DOK5: variants seen among roughly 807,000 people sequenced by gnomAD.
The protein encoded by DOK5 is docking protein 5.
DOK5 carries 27 observed loss-of-function variants against 43.3 expected under a neutral mutation model. The ratio of observed to expected loss-of-function variants is 0.62; its 90% confidence interval spans 0.46 to 0.86. The LOEUF is 0.86. DOK5 is among the 40% of genes least tolerant of loss of function. DOK5 has a pLI of 0.00. For missense variants in DOK5, 373 were observed against 392.9 expected (o/e 0.95, Z 0.43); for synonymous variants, 146 against 140.1 (o/e 1.04, Z -0.30).
At chr20:54,541,506 G>A (rs902408833) in intron 1 of DOK5, among the ~76,000 whole-genome samples, 4 of 152,080 alleles carry the variant, frequency 2.6e-5, no homozygotes, top group African/African-American at 4.8e-5. Flanking sequence ...TGCAATCTCC[G>A]TTCACTGCAA....
intron 7 of DOK5, among the ~76,000 whole-genome samples, chr20:54,646,061 G>A (rs1327513914): frequency 6.6e-6 from 1 of 151,464 alleles, no homozygotes; most frequent in African/African-American, 2.4e-5. Flanking sequence ...GTTAGATTGG[G>A]TTGTCACAAT....
At chr20:54,645,922 C>A (rs1292306092) in intron 7 of DOK5, among the ~76,000 whole-genome samples, 1 of 72,192 alleles carries the variant, frequency 1.4e-5, no homozygotes, top group African/African-American at 6.1e-5. Context: ...ATAGCAGATG[C>A]TGCAAAAAAA....
At chr20:54,536,841 T>C (rs773900410) in intron 1 of DOK5, among the ~76,000 whole-genome samples, 1 of 152,224 alleles carries the variant, frequency 6.6e-6, no homozygotes, top group Non-Finnish European at 1.5e-5. Context: ...AGATGATGTC[T>C]GTGAAGGCCG....
intron 5 of DOK5, among the ~76,000 whole-genome samples, chr20:54,598,840 G>A (rs1177875544): frequency 6.6e-6 from 1 of 152,062 alleles, no homozygotes; most frequent in Admixed American, 6.5e-5. Flanking sequence ...TTATTTATTT[G>A]GATATGAAGG....
At chr20:54,487,919 T>C (rs888120766) in intron 1 of DOK5, among the ~76,000 whole-genome samples, 2 of 152,248 alleles carry the variant, frequency 1.3e-5, no homozygotes, top group African/African-American at 4.8e-5. Context: ...TTTTATTTAA[T>C]ACAAGTTTCC....
chr20:54,530,953 C>A (rs2146705829), intron 1 of DOK5, among the ~76,000 whole-genome samples: 1 of 152,292 alleles, frequency 6.6e-6, no homozygotes, highest in African/African-American at 2.4e-5. Flanking sequence ...TTATGAGGAA[C>A]ACTCTTGTCA....
intron 1 of DOK5, among the ~76,000 whole-genome samples, chr20:54,533,850 T>C (rs1289841444): frequency 6.6e-6 from 1 of 152,208 alleles, no homozygotes; most frequent in East Asian, 1.9e-4. Flanking sequence ...AGGAGGACAA[T>C]TATATTTTTG....
At chr20:54,526,851 G>C (rs1203922290) in intron 1 of DOK5, among the ~76,000 whole-genome samples, 1 of 152,124 alleles carries the variant, frequency 6.6e-6, no homozygotes, top group African/African-American at 2.4e-5. Context: ...TTCTTATTCA[G>C]AGGTGGAGAT....
chr20:54,558,870 T>G (rs1461993436), intron 2 of DOK5, among the ~76,000 whole-genome samples: 1 of 152,186 alleles, frequency 6.6e-6, no homozygotes, highest in Non-Finnish European at 1.5e-5. Context: ...AGAAAAAGAT[T>G]GTAGAATTTT....
chr20:54,511,295 C>T (rs1393126999), intron 1 of DOK5, among the ~76,000 whole-genome samples: 1 of 152,152 alleles, frequency 6.6e-6, no homozygotes, highest in Non-Finnish European at 1.5e-5. Flanking sequence ...GTGCCTGATA[C>T]ATAGTAGGTG....
intron 2 of DOK5, among the ~76,000 whole-genome samples, chr20:54,563,664 G>GTTTTTTTTTTTT (rs76886127): frequency 1.7e-5 from 2 of 114,350 alleles, no homozygotes; most frequent in African/African-American, 3.4e-5. Context: ...TATTTGTCAG[G>GTTTTTTTTTTTT]TTTTTTTTTT....
intron 7 of DOK5, among the ~76,000 whole-genome samples, chr20:54,645,394 C>G (rs1979362571): frequency 7.3e-6 from 1 of 137,392 alleles, no homozygotes; most frequent in Non-Finnish European, 1.6e-5. Flanking sequence ...CCGCTCTGAA[C>G]CCTCAGTCCT....
Position 54,475,883 on chromosome 20 carries a change from AC to A in DOK5, c.-61del. 6.3e-7 allele frequency: 1 copy of A among 1,595,204 alleles called. No individual in the cohort carries two copies. ...ACTGCTTGTCTTGACCCTGCCCTCC[AC>A]CCTCCCCAGAGCCACTTCGGGTGCG... is the stretch of plus-strand genomic sequence containing the variant. On this transcript the variant is annotated 5_prime_UTR_variant, in exon 1 of 8. Coordinates refer to ENST00000262593, the MANE Select transcript of DOK5 (RefSeq NM_018431.5). This position sits in a 1 kb window ranked among gnomAD's most constrained non-coding sequence, Gnocchi z 4.2.
At position 54,486,272 on chromosome 20, in the gene DOK5, G is replaced by A. The variant is rs1018970617; in HGVS notation, c.66+10260G>A. Among the ~76,000 whole-genome samples, 6 of 151,642 alleles carry A rather than the reference G, an allele frequency of 4.0e-5. No individual in the cohort carries two copies. In the South Asian group the frequency reaches 6.3e-4, roughly 16 times the overall value. On this transcript the variant is annotated intron_variant, in intron 1 of 7. Transcript: ENST00000262593. ...CTTCATTGAGCATTTTCATGTCTTC[G>A]CCTGGGTCCTCTATTCTGTTCCATT...
intron 7 of DOK5, among the ~76,000 whole-genome samples, chr20:54,648,771 G>T (rs557398690): frequency 2.6e-5 from 4 of 152,252 alleles, no homozygotes; most frequent in African/African-American, 9.6e-5. Flanking sequence ...TTCATTCAAG[G>T]GATTGCAAGA....
chr20:54,568,102 T>TAACA (rs1358549279), intron 2 of DOK5, among the ~76,000 whole-genome samples: 1 of 152,232 alleles, frequency 6.6e-6, no homozygotes, highest in African/African-American at 2.4e-5. Flanking sequence ...ATCAGGTTTT[T>TAACA]AACAGTTTAT....
chr20:54,524,949 G>T (rs114888692), intron 1 of DOK5, among the ~76,000 whole-genome samples: 457 of 152,306 alleles, frequency 3.0e-3, no homozygotes, highest in African/African-American at 0.011. Context: ...TTTGTTTTCA[G>T]CCAGAGGACA....
intron 2 of DOK5, among the ~76,000 whole-genome samples, chr20:54,557,240 G>A (rs1336769970): frequency 5.3e-5 from 8 of 152,166 alleles, no homozygotes; most frequent in African/African-American, 1.2e-4. Flanking sequence ...TTTTGGCACC[G>A]GGACAGGTAT....
intron 1 of DOK5, among the ~76,000 whole-genome samples, chr20:54,542,408 A>C (rs967727425): frequency 6.6e-6 from 1 of 152,236 alleles, no homozygotes. Flanking sequence ...TCGAAGCTAG[A>C]CAAATAAATA....
Sources: allele counts gnomAD v4.1 joint callset (sites outside exome capture counted in the v4.1 genomes callset), GRCh38; gene constraint gnomAD v4.1.1; non-coding constraint Gnocchi (gnomAD v3.1); transcripts MANE v1.5; gene names NCBI Gene and HGNC (gene_info 2026-07-23, HGNC 2026-07-21).